The following GNB1L variants were observed in gnomAD, a reference collection of about 807,000 sequenced individuals.
GNB1L encodes guanine nucleotide-binding protein subunit beta-like protein 1.
Under a neutral mutation model 29.1 loss-of-function variants are expected in GNB1L, and 20 were observed. That is an observed-to-expected ratio of 0.69 (90% CI 0.48 to 1.00). The LOEUF (loss-of-function observed/expected upper bound fraction) is 1.00, where lower values mean the gene tolerates loss of function less well. Ranked by LOEUF, GNB1L falls within the 50% of genes least tolerant of loss-of-function variation. GNB1L has a pLI of 0.00. For missense variants in GNB1L, 421 were observed against 464.9 expected (o/e 0.91, Z 0.87); for synonymous variants, 193 against 206.5 (o/e 0.93, Z 0.56).
intron 2 of GNB1L, among the ~76,000 whole-genome samples, chr22:19,829,127 C>T (rs758764431): frequency 8.5e-5 from 13 of 152,116 alleles, no homozygotes; most frequent in Non-Finnish European, 1.3e-4. Flanking sequence ...CCACCGTGCC[C>T]GGCCATAACA....
At chr22:19,789,347 G>A (rs1190725695) in intron 7 of GNB1L, among the ~76,000 whole-genome samples, 1 of 152,246 alleles carries the variant, frequency 6.6e-6, no homozygotes, top group Non-Finnish European at 1.5e-5. Flanking sequence ...GCAGCAGAAT[G>A]CTGGCACTCC....
chr22:19,847,416 A>G, intron 2 of GNB1L: 1 of 985,444 alleles, frequency 1.0e-6, no homozygotes, highest in Non-Finnish European at 1.2e-6. Context: ...AGTGACACCC[A>G]TGAGGTGGGT....
intron 2 of GNB1L, among the ~76,000 whole-genome samples, chr22:19,825,172 T>C (rs1937610384): frequency 6.6e-6 from 1 of 152,176 alleles, no homozygotes; most frequent in African/African-American, 2.4e-5. Context: ...CCCCACTGCA[T>C]ATCTCACACA....
At chr22:19,829,522 T>C (rs2145888454) in intron 2 of GNB1L, among the ~76,000 whole-genome samples, 1 of 152,294 alleles carries the variant, frequency 6.6e-6, no homozygotes, top group South Asian at 2.1e-4. Context: ...CGTACCAATT[T>C]ATGAGATATA....
At chr22:19,808,898 G>C (rs961836757) in intron 5 of GNB1L, among the ~76,000 whole-genome samples, 1 of 152,128 alleles carries the variant, frequency 6.6e-6, no homozygotes, top group Non-Finnish European at 1.5e-5. Flanking sequence ...TTTCAGGAAG[G>C]GTCTGTGAGA....
At chr22:19,801,099 G>T (rs1014432794) in intron 7 of GNB1L, among the ~76,000 whole-genome samples, 3 of 152,222 alleles carry the variant, frequency 2.0e-5, no homozygotes, top group Non-Finnish European at 4.4e-5. Context: ...CCCTGTCCTT[G>T]GTGAGGCTGG....
At chr22:19,809,456 A>G (rs1937474206) in intron 5 of GNB1L, among the ~76,000 whole-genome samples, 1 of 152,238 alleles carries the variant, frequency 6.6e-6, no homozygotes, top group Non-Finnish European at 1.5e-5. Context: ...TTCTTCCAGT[A>G]CACCAAGGCA....
chr22:19,823,861 G>A (rs551026108), intron 2 of GNB1L, among the ~76,000 whole-genome samples: 3 of 152,042 alleles, frequency 2.0e-5, no homozygotes, highest in East Asian at 1.9e-4. Context: ...ATACACACAC[G>A]CAGACTCAGA....
At chr22:19,799,629 T>G (rs937598639) in intron 7 of GNB1L, among the ~76,000 whole-genome samples, 2 of 152,210 alleles carry the variant, frequency 1.3e-5, no homozygotes, top group Non-Finnish European at 2.9e-5. Flanking sequence ...GGGAGACTGA[T>G]CTGGGCTCAT....
At chr22:19,847,733 T>C in intron 2 of GNB1L, 1 of 977,526 alleles carries the variant, frequency 1.0e-6, no homozygotes, top group Non-Finnish European at 1.2e-6. Context: ...ACCAACAGTA[T>C]GAGAAGGTCC....
At chr22:19,852,207 C>T (rs577471636) in intron 2 of GNB1L, 50 of 1,613,472 alleles carry the variant, frequency 3.1e-5, no homozygotes, top group Non-Finnish European at 3.8e-5. Flanking sequence ...GCATAATTGG[C>T]GGCTGCCCAG....
At chr22:19,834,087 G>A (rs1937725485) in intron 2 of GNB1L, among the ~76,000 whole-genome samples, 1 of 151,848 alleles carries the variant, frequency 6.6e-6, no homozygotes, top group Non-Finnish European at 1.5e-5. Context: ...AAAATTAATT[G>A]AATAAATAAT....
rs113110532 is a variant in GNB1L at position 19,810,845 on chromosome 22, C to T, written c.417+1440G>A. Among the ~76,000 whole-genome samples, 439 of 152,278 alleles carry T rather than the reference C, an allele frequency of 2.9e-3. 4 individuals carry two copies. Among genetic ancestry groups the T allele is most frequent in the African/African-American group, 9.2e-3 (384 of 41,522 alleles). On this transcript the variant is annotated intron_variant, in intron 5 of 7. Transcript: ENST00000329517. ...TGAGAGGTCCCCAGACAGGCTGCCC[C>T]GGGAAAAGACAGATGCTGCCCCACA... is the stretch of plus-strand genomic sequence containing the variant.
rs1165293120 is a variant in GNB1L at position 19,788,654 on chromosome 22, C to G, written c.*55G>C. 6.2e-7 allele frequency: 1 copy of G among 1,611,038 alleles called. No individual in the cohort carries two copies. Among genetic ancestry groups the G allele is most frequent in the Admixed American group, 1.7e-5 (1 of 60,022 alleles). ...TGAGGTTTCAGGCCAAGGCTGGGGCCTGATGCCCACCTCCCTGCCCGCCCT... is the reference window on the plus strand; with the variant it reads ...TGAGGTTTCAGGCCAAGGCTGGGGCGTGATGCCCACCTCCCTGCCCGCCCT... On this transcript the variant is annotated 3_prime_UTR_variant, in exon 8 of 8. Coordinates refer to ENST00000329517, the MANE Select transcript of GNB1L (RefSeq NM_053004.3).
intron 2 of GNB1L, among the ~76,000 whole-genome samples, chr22:19,843,646 G>C (rs1424154108): frequency 1.3e-5 from 2 of 152,114 alleles, no homozygotes; most frequent in Non-Finnish European, 2.9e-5. Context: ...TGACAACTTG[G>C]CCTGAGGCCC....
At chr22:19,848,591 T>C in intron 2 of GNB1L, 1 of 985,482 alleles carries the variant, frequency 1.0e-6, no homozygotes, top group Non-Finnish European at 1.2e-6. Flanking sequence ...CTACCTTCCT[T>C]TCTGGGCAGA....
intron 2 of GNB1L, chr22:19,848,966 G>T: frequency 1.0e-6 from 1 of 985,560 alleles, no homozygotes; most frequent in Non-Finnish European, 1.2e-6. Flanking sequence ...ACCCACAGGT[G>T]AGCCAGGCCA....
chr22:19,788,665 C>A lies in GNB1L; in HGVS notation c.*44G>T. ...GCCAAGGCTGGGGCCTGATGCCCAC[C>A]TCCCTGCCCGCCCTCCTCGTCTCCC... is the stretch of plus-strand genomic sequence containing the variant. On this transcript the variant is annotated 3_prime_UTR_variant, in exon 8 of 8. Transcript: ENST00000329517. The A allele has an allele frequency of 6.2e-7, 1 of 1,612,342 alleles. No individual in the cohort carries two copies. Among genetic ancestry groups the A allele is most frequent in the Admixed American group, 1.7e-5 (1 of 60,020 alleles).
At chr22:19,803,135 C>T (rs548639801) in intron 6 of GNB1L, among the ~76,000 whole-genome samples, 138 of 152,300 alleles carry the variant, frequency 9.1e-4, no homozygotes, top group African/African-American at 3.0e-3. Context: ...GCCCGGAGCC[C>T]GAGGCCAACT....
Sources: allele counts gnomAD v4.1 joint callset (sites outside exome capture counted in the v4.1 genomes callset), GRCh38; gene constraint gnomAD v4.1.1; transcripts MANE v1.5; gene names NCBI Gene and HGNC (gene_info 2026-07-23, HGNC 2026-07-21).